The following PIGO variants were observed in gnomAD, a reference collection of about 807,000 sequenced individuals.
PIGO encodes GPI ethanolamine phosphate transferase 3, catalytic subunit.
A neutral mutation model predicts 86.9 loss-of-function variants in PIGO; 66 were observed. The ratio of observed to expected loss-of-function variants is 0.76; its 90% confidence interval spans 0.62 to 0.93. The LOEUF is 0.93. Ranked by LOEUF, PIGO falls within the 40% of genes least tolerant of loss-of-function variation. The probability of loss-of-function intolerance (pLI) is 0.00; values close to 1 mark genes in which losing one functional copy is unlikely to be tolerated. For missense variants in PIGO, 1,202 were observed against 1,359.1 expected, an observed-to-expected ratio of 0.88 and a Z score of 1.82; for synonymous variants, 570 against 556.4, an observed-to-expected ratio of 1.02 and a Z score of -0.34.
rs1829369779 is a variant in PIGO at position 35,090,552 on chromosome 9, C to G, written c.2768G>C (p.Gly923Ala). 9.9e-6 allele frequency: 16 copies of G among 1,614,226 alleles called. No homozygotes were observed. Among genetic ancestry groups the G allele is most frequent in the Non-Finnish European group, 1.4e-5 (16 of 1,180,042 alleles). ...ACAGGAGCCATGACCCTCTGGGAAT[C>G]CCACGAAGGCTGCATGCCAATGGAT... Reference protein sequence around the residue: ...PAIHWHAAFVGFPEGHGSCTW... With the variant: ...PAIHWHAAFVAFPEGHGSCTW... Residue 923 changes from glycine (G) to alanine (A), a missense_variant, in exon 8 of 11, where the codon GGA becomes GCA. Transcript: ENST00000378617.
In PIGO at chr9:35,089,196, T is replaced by C. The variant is rs777165340; in HGVS notation, c.3166A>G (p.Ile1056Val). ...PKFIFEAVGFIVSSVGLLLGI... is the reference protein window; with the variant it reads ...PKFIFEAVGFVVSSVGLLLGI... ...AGGAGAAGTCCCACGCTGCTCACAATGAAGCCCACAGCCTCAAATATGAAC... is the reference window on the plus strand; with the variant it reads ...AGGAGAAGTCCCACGCTGCTCACAACGAAGCCCACAGCCTCAAATATGAAC... The change falls in exon 11 of 11, where the codon ATT (isoleucine) becomes GTT (valine). Residue 1056 changes from isoleucine (I) to valine (V), a missense_variant. Coordinates refer to ENST00000378617, the MANE Select transcript of PIGO (RefSeq NM_032634.4). The C allele has an allele frequency of 5.0e-6, 8 of 1,614,024 alleles. No individual in the cohort carries two copies. Among genetic ancestry groups the C allele is most frequent in the Non-Finnish European group, 6.8e-6 (8 of 1,180,034 alleles).
Position 35,090,046 on chromosome 9 carries a change from G to A in PIGO, c.3069+20C>T. 6.3e-7 allele frequency: 1 copy of A among 1,599,994 alleles called. No individual in the cohort carries two copies. The highest frequency in any genetic ancestry group is 8.6e-7 in the Non-Finnish European group (1 of 1,169,092). On this transcript the variant is annotated intron_variant, in intron 9 of 10. Transcript: ENST00000378617. ...CACAGAGAAAAAACACCAACTCCCT[G>A]ATCTCTCTCCTACACCCACCTGAAT...
In PIGO at chr9:35,094,399, G is replaced by A. The variant is rs143390374; in HGVS notation, c.512-40C>T. 3.8e-6 allele frequency: 6 copies of A among 1,579,938 alleles called. No homozygotes were observed. In the East Asian group the frequency reaches 6.8e-5, roughly 18 times the overall value. ...AAGAGAAGTCAGAGCCTGAGCAAAC[G>A]TCAGGGTTAGGAGAAAAGAGGAAAA... On this transcript the variant is annotated intron_variant, in intron 2 of 10. Coordinates refer to ENST00000378617, the MANE Select transcript of PIGO (RefSeq NM_032634.4).
Position 35,092,784 on chromosome 9 carries a change from C to T in PIGO, c.1120-17G>A, listed in dbSNP as rs991409005. ...TCGGGACACCTGGCAGAGAAAAGGT[C>T]AGAGGCCAAGGGGAACAGGTCAGAG... On this transcript the variant is annotated splice_polypyrimidine_tract_variant and intron_variant, in intron 6 of 10. Transcript: ENST00000378617. The T allele has an allele frequency of 1.9e-6, 3 of 1,587,876 alleles. No homozygotes were observed. Among genetic ancestry groups the T allele is most frequent in the Non-Finnish European group, 2.6e-6 (3 of 1,166,860 alleles).
At position 35,096,294 on chromosome 9, in the gene PIGO, C is replaced by T. The variant is rs1033639971; in HGVS notation, c.-141G>A. ...GAAGGGGAGGAGTCACTCTCCGCTTCCGGGCGGCCAGGTTCGCCAGGAGAC... is the reference window on the plus strand; with the variant it reads ...GAAGGGGAGGAGTCACTCTCCGCTTTCGGGCGGCCAGGTTCGCCAGGAGAC... On this transcript the variant is annotated 5_prime_UTR_variant, in exon 1 of 11. Transcript: ENST00000378617. 1 of 152,258 alleles carries T rather than the reference C, an allele frequency of 6.6e-6. No homozygotes were observed. Among genetic ancestry groups the T allele is most frequent in the African/African-American group, 2.4e-5 (1 of 41,464 alleles). The allele number at this position is 152,258 out of a possible 1,614,324, so 9.4% of individuals were successfully genotyped here.
chr9:35,094,132 C>A (rs1829561842), intron 3 of PIGO, 84 bp downstream of exon 3: 1 of 1,557,858 alleles, frequency 6.4e-7, no homozygotes, highest in Non-Finnish European at 8.7e-7. Flanking sequence ...GCTGTTACAC[C>A]CATAGGTGGC....
Position 35,095,530 on chromosome 9 carries a change from C to T in PIGO, c.36G>A (p.Trp12Ter), listed in dbSNP as rs766384490. 2 of 1,599,266 alleles carry T rather than the reference C, an allele frequency of 1.3e-6. No homozygotes were observed. Among genetic ancestry groups the T allele is most frequent in the Admixed American group, 3.4e-5 (2 of 58,462 alleles). Residue 12 changes from tryptophan to a stop codon, truncating the protein, a stop_gained, in exon 2 of 11, where the codon TGG (tryptophan) becomes TGA (stop). Transcript: ENST00000378617. LOFTEE classifies it high-confidence loss of function. ...TGCCAGCGTAGAAGAGGAAGCAGAC[C>T]CAGGCCAGGAAGAGCAACACTGAGG... ...QKASVLLFLA[W>*]VCFLFYAGIA... is the part of the protein sequence containing the mutation.
At chr9:35,090,009 A>C in intron 9 of PIGO, 57 bp downstream of exon 9, 1 of 1,562,942 alleles carries the variant, frequency 6.4e-7, no homozygotes, top group Non-Finnish European at 8.7e-7. Context: ...GTCTGAAAGA[A>C]AGTGATGCAC....
At chr9:35,090,853 C>A (rs181017555) in intron 7 of PIGO, 181 bp from the exon 8 acceptor site, 673 of 655,524 alleles carry the variant, frequency 1.0e-3, no homozygotes, top group Admixed American at 2.8e-3. Flanking sequence ...GGTACAAAAG[C>A]GCCATCAGGC....
rs1390829462 is a variant in PIGO at position 35,092,146 on chromosome 9, T to C, written c.1741A>G (p.Ile581Val). The change falls in exon 7 of 11, where the codon ATC (isoleucine) becomes GTC (valine). Residue 581 changes from isoleucine (I) to valine (V), a missense_variant. By Grantham distance (29) the Ile-to-Val change is conservative. Coordinates refer to ENST00000378617, the MANE Select transcript of PIGO (RefSeq NM_032634.4). ...TGAAGCTGGACAACCAGGAGCAGGA[T>C]GAATGAGCCCAAAAGGAAGGGGGTG... ...RATPFLLGSF[I>V]LLLVVQLHWE... The C allele has an allele frequency of 3.7e-6, 6 of 1,614,066 alleles. No homozygotes were observed. The highest frequency in any genetic ancestry group is 2.7e-5 in the African/African-American group (2 of 74,990).
At position 35,092,566 on chromosome 9, in the gene PIGO, C is replaced by T. The variant is rs148970282; in HGVS notation, c.1321G>A (p.Glu441Lys). The T allele has an allele frequency of 6.8e-6, 11 of 1,614,094 alleles. No individual in the cohort carries two copies. The highest frequency in any genetic ancestry group is 4.4e-5 in the South Asian group (4 of 91,094). The change falls in exon 7 of 11, where the codon GAG becomes AAG. Residue 441 changes from glutamate (E) to lysine (K), a missense_variant. Coordinates refer to ENST00000378617, the MANE Select transcript of PIGO (RefSeq NM_032634.4). ...ACCAGAGAGAAACGAGCCCAAGACT[C>T]GATGCACATGGCCCGAGCTCCCCGC... is the stretch of plus-strand genomic sequence containing the variant. Reference protein sequence around the residue: ...FLRGARAMCIESWARFSLVRM... With the variant: ...FLRGARAMCIKSWARFSLVRM...
rs750903283 is a variant in PIGO, at chr9:35,091,231, G to C, written c.2647+9C>G. On this transcript the variant is annotated intron_variant, in intron 7 of 10. Transcript: ENST00000378617. The stretch of plus-strand genomic sequence containing the variant: ...TTGTCTTTAAGTGAATCAGAGCTGA[G>C]ATATTTACCAGGGGTGGTGACGGGT... 3.8e-6 allele frequency: 6 copies of C among 1,575,694 alleles called. No homozygotes were observed. Among genetic ancestry groups the C allele is most frequent in the Non-Finnish European group, 4.3e-6 (5 of 1,160,914 alleles).
chr9:35,093,577 T>G lies in PIGO; in HGVS notation c.783A>C (p.Gly261=). The change falls in exon 5 of 11, where the codon GGA becomes GGC. Residue 261 remains glycine, a synonymous_variant. Transcript: ENST00000378617. ...TGTCATTCTCCAGACGCTCCACAAG[T>G]CCCCTGGGGGCCAATAAATGTGTCA... The part of the protein sequence containing the change: ...KLSQMDQVIQ[G]LVERLENDTL... 6.2e-7 allele frequency: 1 copy of G among 1,603,842 alleles called. No homozygotes were observed. The highest frequency in any genetic ancestry group is 8.5e-7 in the Non-Finnish European group (1 of 1,175,512).
chr9:35,094,205 C>T lies in PIGO; in HGVS notation c.655+11G>A. 6 of 1,587,140 alleles carry T rather than the reference C, an allele frequency of 3.8e-6. No individual in the cohort carries two copies. Among genetic ancestry groups the T allele is most frequent in the Non-Finnish European group, 5.1e-6 (6 of 1,172,282 alleles). ...CAGTCTTAGAACTAAGTGCTCTGGC[C>T]CCATGCTCACTGGTGGGGTAGAGGT... is the stretch of plus-strand genomic sequence containing the variant. On this transcript the variant is annotated intron_variant, in intron 3 of 10. Transcript: ENST00000378617.
chr9:35,093,406 C>G lies in PIGO; in HGVS notation c.939+15G>C. The stretch of plus-strand genomic sequence containing the variant: ...GATTACTGGGAGAACAGATGAGGAA[C>G]ATCCCAGGCCTCACCTCTGGTGGGG... On this transcript the variant is annotated intron_variant, in intron 5 of 10. Transcript: ENST00000378617. 7 of 1,613,790 alleles carry G rather than the reference C, an allele frequency of 4.3e-6. No individual in the cohort carries two copies. The highest frequency in any genetic ancestry group is 5.9e-6 in the Non-Finnish European group (7 of 1,179,854).
In PIGO at chr9:35,090,102, C is replaced by T; in HGVS notation, c.3033G>A (p.Gln1011=). 1 of 1,614,208 alleles carries T rather than the reference C, an allele frequency of 6.2e-7. No homozygotes were observed. The highest frequency in any genetic ancestry group is 8.5e-7 in the Non-Finnish European group (1 of 1,180,010). The part of the protein sequence containing the change: ...APQHFYAALL[Q]LGLKYLFILG... ...GGATAAAGAGGTACTTGAGGCCCAG[C>T]TGCAGCAGTGCTGCATAGAAGTGCT... Residue 1011 remains glutamine (Q), a synonymous_variant, in exon 9 of 11, where the codon CAG becomes CAA. Transcript: ENST00000378617.
chr9:35,089,214 A>G lies in PIGO; in HGVS notation c.3148T>C (p.Phe1050Leu). Residue 1050 changes from phenylalanine (F) to leucine (L), a missense_variant, in exon 11 of 11, where the codon TTT (phenylalanine) becomes CTT (leucine). Physicochemically the swap from Phe to Leu is conservative, Grantham distance 22. Transcript: ENST00000378617. ...VWKVFAPKFIFEAVGFIVSSV... is the reference protein window; with the variant it reads ...VWKVFAPKFILEAVGFIVSSV... ...CTCACAATGAAGCCCACAGCCTCAAATATGAACCTGCAAAGAAAGGCGGAG... is the reference window on the plus strand; with the variant it reads ...CTCACAATGAAGCCCACAGCCTCAAGTATGAACCTGCAAAGAAAGGCGGAG... 6.2e-7 allele frequency: 1 copy of G among 1,614,232 alleles called. No homozygotes were observed. Among genetic ancestry groups the G allele is most frequent in the Non-Finnish European group, 8.5e-7 (1 of 1,180,030 alleles).
chr9:35,093,759 T>A, intron 4 of PIGO, 142 bp downstream of exon 4: 2 of 1,467,498 alleles, frequency 1.4e-6, no homozygotes, highest in Non-Finnish European at 1.8e-6. Context: ...ACACATTGAG[T>A]TAATCAAGAT....
In PIGO at chr9:35,091,890, T is replaced by C; in HGVS notation, c.1997A>G (p.Lys666Arg). ...PLASMVGGRA[K>R]NLWYGACVAA... ...CACACAAGCTCCATACCACAAATTC[T>C]TGGCTCGACCACCCACCATGGATGC... Residue 666 changes from lysine to arginine, a missense_variant, in exon 7 of 11, where the codon AAG (lysine) becomes AGG (arginine). Physicochemically the swap from Lys to Arg is conservative, Grantham distance 26. Transcript: ENST00000378617. 1 of 1,614,130 alleles carries C rather than the reference T, an allele frequency of 6.2e-7. No individual in the cohort carries two copies. Among genetic ancestry groups the C allele is most frequent in the African/African-American group, 1.3e-5 (1 of 75,028 alleles).
Sources: gnomAD v4.1 joint callset for allele counts on GRCh38, gnomAD v4.1.1 for gene constraint, MANE v1.5 for transcripts, NCBI Gene and HGNC (gene_info 2026-07-23, HGNC 2026-07-21) for gene names.